The following SGCZ variants were observed in gnomAD, a reference collection of about 807,000 sequenced individuals.
SGCZ encodes the protein zeta-sarcoglycan.
A neutral mutation model predicts 41.3 loss-of-function variants in SGCZ; 40 were observed. That is an observed-to-expected ratio of 0.97 (90% CI 0.75 to 1.26). SGCZ has a LOEUF of 1.26. Among genes scored for constraint, SGCZ ranks in the 50% most tolerant of loss-of-function variants. The probability of loss-of-function intolerance (pLI) is 0.00; values close to 1 mark genes in which losing one functional copy is unlikely to be tolerated. For synonymous variants in SGCZ, 206 were observed against 137.5 expected, an observed-to-expected ratio of 1.50 and a Z score of -3.49; for missense variants, 552 against 369.8, an observed-to-expected ratio of 1.49 and a Z score of -4.04.
At chr8:14,405,493 C>T (rs372011844) in intron 2 of SGCZ, among the ~76,000 whole-genome samples, 10 of 152,272 alleles carry the variant, frequency 6.6e-5, no homozygotes, top group African/African-American at 1.9e-4. Context: ...AAATAATATA[C>T]TCTCTTTCAC....
At chr8:15,193,275 AATAT>A (rs1332457147) in intron 1 of SGCZ, among the ~76,000 whole-genome samples, 3 of 152,122 alleles carry the variant, frequency 2.0e-5, no homozygotes, top group African/African-American at 4.8e-5. Context: ...AAGTTGCTTG[AATAT>A]ATCACTGAAT....
intron 3 of SGCZ, among the ~76,000 whole-genome samples, chr8:14,256,933 T>C (rs1034495248): frequency 3.3e-5 from 5 of 152,226 alleles, no homozygotes; most frequent in African/African-American, 9.6e-5. Flanking sequence ...TAGACGTATA[T>C]AATAGAGTAT....
intron 1 of SGCZ, among the ~76,000 whole-genome samples, chr8:15,205,637 C>G (rs9918755): frequency 0.054 from 8,288 of 152,092 alleles, 253 homozygotes; most frequent in South Asian, 0.074. Flanking sequence ...GAAAAGGGAA[C>G]GCGTATACAC....
intron 1 of SGCZ, among the ~76,000 whole-genome samples, chr8:14,860,094 A>T (rs533662734): frequency 6.6e-6 from 1 of 152,198 alleles, no homozygotes; most frequent in Non-Finnish European, 1.5e-5. Flanking sequence ...GAAACTAGAA[A>T]ACATAAAGAT....
rs116055161 is a variant in SGCZ at position 15,021,866 on chromosome 8, G to A, written c.39+215719C>T. Among the ~76,000 whole-genome samples, 512 of 152,238 alleles carry A rather than the reference G, an allele frequency of 3.4e-3. 2 individuals carry two copies. The highest frequency in any genetic ancestry group is 0.011 in the African/African-American group (457 of 41,558). ...ATACACCTTGACCACCTCCTGGAATGCCCTTGCTAATTCTTAGAATTACTG... is the reference window on the plus strand; with the variant it reads ...ATACACCTTGACCACCTCCTGGAATACCCTTGCTAATTCTTAGAATTACTG... On this transcript the variant is annotated intron_variant, in intron 1 of 7. Coordinates refer to ENST00000382080, the MANE Select transcript of SGCZ (RefSeq NM_139167.4).
intron 4 of SGCZ, among the ~76,000 whole-genome samples, chr8:14,232,587 T>G (rs904116509): frequency 6.6e-6 from 1 of 151,930 alleles, no homozygotes; most frequent in African/African-American, 2.4e-5. Flanking sequence ...TGCCACTGAT[T>G]TTGTTTTTTA....
At chr8:14,143,774 A>G (rs1215433886) in intron 5 of SGCZ, among the ~76,000 whole-genome samples, 3 of 152,074 alleles carry the variant, frequency 2.0e-5, no homozygotes, top group African/African-American at 7.2e-5. Context: ...CTTCCCCTCT[A>G]CACCCCACCC....
chr8:15,036,369 C>G (rs139441928), intron 1 of SGCZ, among the ~76,000 whole-genome samples: 1 of 151,952 alleles, frequency 6.6e-6, no homozygotes, highest in South Asian at 2.1e-4. Context: ...CACATGGACA[C>G]ACAGAGGGGA....
At chr8:15,153,413 G>A (rs1197415046) in intron 1 of SGCZ, among the ~76,000 whole-genome samples, 1 of 152,188 alleles carries the variant, frequency 6.6e-6, no homozygotes, top group East Asian at 1.9e-4. Context: ...AGTAACGTGA[G>A]AATGCCAGAC....
At chr8:14,780,144 C>G (rs1800542784) in intron 1 of SGCZ, among the ~76,000 whole-genome samples, 1 of 151,858 alleles carries the variant, frequency 6.6e-6, no homozygotes. Context: ...GAGGCAGAGG[C>G]CGGGCGGATC....
chr8:14,439,116 C>T (rs1800172435), intron 2 of SGCZ, among the ~76,000 whole-genome samples: 2 of 151,816 alleles, frequency 1.3e-5, no homozygotes, highest in Non-Finnish European at 2.9e-5. Context: ...GATTCGATTC[C>T]CCTATGGGCT....
intron 2 of SGCZ, among the ~76,000 whole-genome samples, chr8:14,497,379 C>T (rs1012410611): frequency 6.6e-6 from 1 of 151,982 alleles, no homozygotes; most frequent in East Asian, 1.9e-4. Context: ...TCAGATCTCT[C>T]GTGAACTAAT....
chr8:15,158,987 T>C (rs1799416681), intron 1 of SGCZ, among the ~76,000 whole-genome samples: 2 of 152,320 alleles, frequency 1.3e-5, no homozygotes, highest in South Asian at 4.1e-4. Context: ...AAGTGATGGT[T>C]TTTGTCTGCA....
At chr8:14,467,541 T>C (rs746046373) in intron 2 of SGCZ, among the ~76,000 whole-genome samples, 74 of 152,164 alleles carry the variant, frequency 4.9e-4, no homozygotes, top group Non-Finnish European at 4.0e-4. Context: ...GGCTCTGAGA[T>C]GGGTAGTTGC....
At chr8:14,750,873 T>C (rs186295909) in intron 1 of SGCZ, among the ~76,000 whole-genome samples, 4 of 152,350 alleles carry the variant, frequency 2.6e-5, no homozygotes, top group African/African-American at 7.2e-5. Context: ...TCTCCTTTTA[T>C]CTTTCAGTCT....
At chr8:15,181,362 G>GA (rs1319651709) in intron 1 of SGCZ, among the ~76,000 whole-genome samples, 2 of 151,742 alleles carry the variant, frequency 1.3e-5, no homozygotes, top group African/African-American at 2.4e-5. Context: ...ATATACCACA[G>GA]AAAAAACACC....
intron 5 of SGCZ, among the ~76,000 whole-genome samples, chr8:14,153,938 CAG>C (rs112542469): frequency 0.053 from 7,765 of 147,294 alleles, 366 homozygotes; most frequent in African/African-American, 0.14. Flanking sequence ...CACACACACA[CAG>C]ACACACACAC....
chr8:14,852,833 T>G (rs1803383906), intron 1 of SGCZ, among the ~76,000 whole-genome samples: 2 of 152,316 alleles, frequency 1.3e-5, no homozygotes, highest in Admixed American at 1.3e-4. Context: ...TGCATCAAAG[T>G]CTTTCCTGGA....
intron 3 of SGCZ, among the ~76,000 whole-genome samples, chr8:14,319,243 A>T (rs937121637): frequency 1.3e-5 from 2 of 151,996 alleles, no homozygotes; most frequent in African/African-American, 2.4e-5. Flanking sequence ...CAGGCATCCA[A>T]GCAGAACATT....
Sources: gnomAD v4.1 joint callset for allele counts (sites outside exome capture counted in the v4.1 genomes callset) on GRCh38, gnomAD v4.1.1 for gene constraint, MANE v1.5 for transcripts, NCBI Gene and HGNC (gene_info 2026-07-23, HGNC 2026-07-21) for gene names.